The following KLF12 variants were observed in gnomAD, a reference collection of about 807,000 sequenced individuals.
KLF12 encodes the protein Krueppel-like factor 12.
In KLF12, 9 loss-of-function variants were observed where a neutral mutation model predicts 37.8. The observed-to-expected ratio is 0.24, with a 90% confidence interval of 0.14 to 0.42. KLF12 has a LOEUF of 0.42. KLF12 is among the 10% of genes least tolerant of loss of function. The probability of loss-of-function intolerance (pLI) is 1.00; values close to 1 mark genes in which losing one functional copy is unlikely to be tolerated. For synonymous variants in KLF12, 208 were observed against 202.1 expected (o/e 1.03, Z -0.25); for missense variants, 411 against 516.0 (o/e 0.80, Z 1.97).
intron 3 of KLF12, among the ~76,000 whole-genome samples, chr13:73,900,765 A>G (rs1459553219): frequency 6.6e-6 from 1 of 152,206 alleles, no homozygotes; most frequent in Non-Finnish European, 1.5e-5. Context: ...TCCTTTAACA[A>G]TAACACTGTA....
the KLF12 span, among the ~76,000 whole-genome samples, chr13:74,213,070 A>C: frequency 1.4e-4 from 22 of 152,202 alleles, no homozygotes; most frequent in Non-Finnish European, 1.5e-5. Flanking sequence ...AACTGCACAC[A>C]TATATCAGCA....
intron 1 of KLF12, among the ~76,000 whole-genome samples, chr13:74,095,436 T>G (rs1158630120): frequency 6.6e-6 from 1 of 151,786 alleles, no homozygotes; most frequent in East Asian, 1.9e-4. Flanking sequence ...TCATCCAGGC[T>G]GGAGTGCAGT....
chr13:73,730,150 T>A (rs1229195805), intron 6 of KLF12, among the ~76,000 whole-genome samples: 1 of 152,130 alleles, frequency 6.6e-6, no homozygotes, highest in Non-Finnish European at 1.5e-5. Flanking sequence ...GGAGCTTCAC[T>A]ATCTTTGCCC....
At chr13:74,035,089 C>T (rs552698756) in intron 1 of KLF12, among the ~76,000 whole-genome samples, 3 of 152,158 alleles carry the variant, frequency 2.0e-5, no homozygotes, top group Admixed American at 2.0e-4. Flanking sequence ...TACATATATA[C>T]AGTAATCCCT....
At chr13:74,122,767 A>T (rs930022162) in intron 1 of KLF12, among the ~76,000 whole-genome samples, 1 of 152,060 alleles carries the variant, frequency 6.6e-6, no homozygotes, top group Admixed American at 6.5e-5. Context: ...AAAAAAAGAT[A>T]AAAGAGTTTC....
intron 7 of KLF12, 52 bp from the exon 8 acceptor site, chr13:73,695,723 A>G (rs376887958): frequency 1.5e-4 from 235 of 1,550,126 alleles, no homozygotes; most frequent in Non-Finnish European, 2.0e-4. Flanking sequence ...TCACTTTGCC[A>G]TAACCAGGCC....
At chr13:74,247,662 G>A in the KLF12 span, among the ~76,000 whole-genome samples, 1 of 151,850 alleles carries the variant, frequency 6.6e-6, no homozygotes, top group Non-Finnish European at 1.5e-5. Flanking sequence ...GTAGAGGCTG[G>A]GGTCTCACTA....
chr13:73,902,335 G>A (rs1888079202), intron 3 of KLF12, among the ~76,000 whole-genome samples: 1 of 152,124 alleles, frequency 6.6e-6, no homozygotes, highest in East Asian at 1.9e-4. Context: ...CACCTAATTT[G>A]TTTAATTCAA....
intron 2 of KLF12, among the ~76,000 whole-genome samples, chr13:73,951,913 A>G (rs1404373115): frequency 2.0e-5 from 3 of 152,216 alleles, no homozygotes; most frequent in African/African-American, 7.2e-5. Flanking sequence ...CAGTACTCCT[A>G]TCCTAGCCTT....
Position 73,717,165 on chromosome 13 carries a change from C to G in KLF12, c.870-1640G>C, listed in dbSNP as rs188710409. Reference sequence around the variant, plus strand: ...TGAATGTCGTTATGTTCCAATGAAACTTTGTTTACAGAAACAGTGGGCTGG... The same window carrying G: ...TGAATGTCGTTATGTTCCAATGAAAGTTTGTTTACAGAAACAGTGGGCTGG... On this transcript the variant is annotated intron_variant, in intron 6 of 7. Coordinates refer to ENST00000377669, the MANE Select transcript of KLF12 (RefSeq NM_007249.5). 5.6e-3 allele frequency among the ~76,000 whole-genome samples: 858 copies of G among 152,246 alleles called. 40 individuals are homozygous for G. Among genetic ancestry groups the G allele is most frequent in the Admixed American group, 0.048 (734 of 15,300 alleles).
chr13:73,745,491 T>C (rs1344141229), intron 6 of KLF12, among the ~76,000 whole-genome samples: 1 of 152,192 alleles, frequency 6.6e-6, no homozygotes, highest in African/African-American at 2.4e-5. Context: ...TTAAAGGTAA[T>C]TATTATCCTT....
At chr13:74,154,266 G>T in the KLF12 span, among the ~76,000 whole-genome samples, 1 of 152,036 alleles carries the variant, frequency 6.6e-6, no homozygotes, top group Non-Finnish European at 1.5e-5. Context: ...AATAAGTAGG[G>T]CCTTGAAAAA....
At chr13:74,176,912 A>C in the KLF12 span, among the ~76,000 whole-genome samples, 1 of 152,140 alleles carries the variant, frequency 6.6e-6, no homozygotes, top group African/African-American at 2.4e-5. Context: ...GAATTAATTA[A>C]ATTAATTACA....
intron 5 of KLF12, among the ~76,000 whole-genome samples, chr13:73,782,816 CAA>C (rs890980137): frequency 2.6e-5 from 4 of 152,176 alleles, no homozygotes; most frequent in Non-Finnish European, 5.9e-5. Flanking sequence ...CTTCAGAAGT[CAA>C]AAGAGTTCTC....
chr13:74,039,817 T>TA (rs1893353723), intron 1 of KLF12, among the ~76,000 whole-genome samples: 1 of 152,364 alleles, frequency 6.6e-6, no homozygotes, highest in Admixed American at 6.5e-5. Flanking sequence ...CAAAAGATGG[T>TA]AATGCTGACT....
At chr13:74,092,418 G>C (rs1352165673) in intron 1 of KLF12, among the ~76,000 whole-genome samples, 2 of 149,808 alleles carry the variant, frequency 1.3e-5, no homozygotes, top group African/African-American at 4.9e-5. Context: ...GGGGTCAGGA[G>C]TTTATAACCA....
intron 1 of KLF12, among the ~76,000 whole-genome samples, chr13:74,041,677 C>T (rs1258760941): frequency 2.8e-5 from 4 of 144,834 alleles, no homozygotes; most frequent in Admixed American, 7.1e-5. Flanking sequence ...ATGAAATTCC[C>T]CAGATCGCTG....
chr13:73,894,308 G>T (rs1020081501), intron 3 of KLF12, among the ~76,000 whole-genome samples: 22 of 152,184 alleles, frequency 1.4e-4, no homozygotes, highest in African/African-American at 5.1e-4. Flanking sequence ...AATGTATATG[G>T]GTACATATAC....
At chr13:74,099,876 T>C (rs1876217772) in intron 1 of KLF12, among the ~76,000 whole-genome samples, 1 of 152,178 alleles carries the variant, frequency 6.6e-6, no homozygotes, top group Non-Finnish European at 1.5e-5. Flanking sequence ...TAGAAATACA[T>C]ACTAAACAGT....
Sources: allele counts gnomAD v4.1 joint callset (sites outside exome capture counted in the v4.1 genomes callset), GRCh38; gene constraint gnomAD v4.1.1; transcripts MANE v1.5; gene names NCBI Gene and HGNC (gene_info 2026-07-23, HGNC 2026-07-21).